Variants in VPS13B observed in about 807,000 individuals in gnomAD.
VPS13B encodes the protein intermembrane lipid transfer protein VPS13B.
VPS13B carries 285 observed loss-of-function variants against 426.4 expected under a neutral mutation model. The ratio of observed to expected loss-of-function variants is 0.67; its 90% CI spans 0.61 to 0.74. The LOEUF is 0.74. Ranked by LOEUF, VPS13B falls within the 30% of genes least tolerant of loss-of-function variation. The pLI is 0.00. For missense variants in VPS13B, 4,537 were observed against 4,782.6 expected, an observed-to-expected ratio of 0.95 and a Z score of 1.51; for synonymous variants, 1,676 against 1,676.4, an observed-to-expected ratio of 1.00 and a Z score of 0.01.
At chr8:99,572,773 G>A (rs575414297) in intron 31 of VPS13B, among the ~76,000 whole-genome samples, 49 of 152,300 alleles carry the variant, frequency 3.2e-4, no homozygotes, top group Non-Finnish European at 6.2e-4. Context: ...ACGTGTGCAT[G>A]TGTCTTTATA....
At chr8:99,102,241 G>T (rs1254756862) in intron 4 of VPS13B, among the ~76,000 whole-genome samples, 1 of 151,902 alleles carries the variant, frequency 6.6e-6, no homozygotes, top group Non-Finnish European at 1.5e-5. Context: ...ATTTCCCTGT[G>T]TTCTTATTCT....
chr8:99,289,838 G>T lies in VPS13B; in HGVS notation c.2824+14584G>T, dbSNP rs199751239. On this transcript the variant is annotated intron_variant, in intron 19 of 61. Transcript: ENST00000357162. ...TAATCATCAGTTATCCTAAAAACAA[G>T]ATTTATTATAATGACTTATCCTGTG... 3.3e-5 allele frequency among the ~76,000 whole-genome samples: 5 copies of T among 152,186 alleles called. No individual in the cohort carries two copies. The East Asian group carries it at 9.6e-4, about 29-fold the overall frequency.
At chr8:99,613,194 A>C (rs1304064840) in intron 33 of VPS13B, among the ~76,000 whole-genome samples, 2 of 152,192 alleles carry the variant, frequency 1.3e-5, no homozygotes, top group African/African-American at 4.8e-5. Flanking sequence ...CTATGTTGTT[A>C]TACCTTTTAG....
Position 99,875,629 on chromosome 8 carries a change from T to G in VPS13B, c.11957T>G (p.Met3986Arg), listed in dbSNP as rs771731368. ...CAGGTCTTCCTTAGTAAATTTACCA[T>G]GGTGAAAAATAAAGCCCTGAGGAAA... ...FAQVFLSKFTMVKNKALRKGF... is the reference protein window; with the variant it reads ...FAQVFLSKFTRVKNKALRKGF... The change falls in exon 62 of 62, where the codon ATG becomes AGG. Residue 3986 changes from methionine (M) to arginine (R), a missense_variant. By Grantham distance (91) the Met-to-Arg change is moderately conservative. Coordinates refer to ENST00000357162, the MANE Select transcript of VPS13B (RefSeq NM_152564.5). 2.5e-6 allele frequency: 4 copies of G among 1,614,086 alleles called. No individual in the cohort carries two copies. The highest frequency in any genetic ancestry group is 3.4e-6 in the Non-Finnish European group (4 of 1,180,038).
At chr8:99,300,291 G>C (rs1179808960) in intron 19 of VPS13B, among the ~76,000 whole-genome samples, 1 of 152,168 alleles carries the variant, frequency 6.6e-6, no homozygotes, top group Non-Finnish European at 1.5e-5. Flanking sequence ...TATGTTAATA[G>C]CATATTTGGC....
intron 19 of VPS13B, among the ~76,000 whole-genome samples, chr8:99,320,214 A>G (rs906890141): frequency 6.6e-6 from 1 of 152,194 alleles, no homozygotes. Flanking sequence ...GATTTATGGG[A>G]TAAAGGTCCG....
At chr8:99,631,280 A>T (rs1828835779) in intron 33 of VPS13B, among the ~76,000 whole-genome samples, 1 of 152,048 alleles carries the variant, frequency 6.6e-6, no homozygotes, top group Admixed American at 6.6e-5. Context: ...TCTTAGCCCC[A>T]TTTCTCTGAT....
At position 99,215,618 on chromosome 8, in the gene VPS13B, G is replaced by T. The variant is rs145620609; in HGVS notation, c.2515+22561G>T. On this transcript the variant is annotated intron_variant, in intron 17 of 61. Transcript: ENST00000357162. ...GCCCCCTGCCTCCTGTGAAGGCACA[G>T]GTATGCTTGAGTATTGAGTATACTC... 4.5e-4 allele frequency among the ~76,000 whole-genome samples: 69 copies of T among 152,264 alleles called. No individual in the cohort carries two copies. The East Asian group carries it at 0.012, about 26-fold the overall frequency.
chr8:99,447,468 C>A (rs530693679), intron 23 of VPS13B, among the ~76,000 whole-genome samples: 1 of 152,252 alleles, frequency 6.6e-6, no homozygotes, highest in East Asian at 1.9e-4. Flanking sequence ...TTATTATTTT[C>A]TGCACTGTGA....
At chr8:99,813,809 G>GA (rs1209083594) in intron 44 of VPS13B, among the ~76,000 whole-genome samples, 2 of 152,248 alleles carry the variant, frequency 1.3e-5, no homozygotes, top group South Asian at 4.1e-4. Flanking sequence ...TTTAATTTTT[G>GA]GTTCCTCAAT....
chr8:99,437,412 A>AAATAT (rs1554790777), intron 22 of VPS13B, among the ~76,000 whole-genome samples: 1 of 150,916 alleles, frequency 6.6e-6, no homozygotes, highest in African/African-American at 2.4e-5. Flanking sequence ...TTTAAAAAAA[A>AAATAT]ATATATATAT....
intron 45 of VPS13B, among the ~76,000 whole-genome samples, 200 bp from the exon 46 acceptor site, chr8:99,818,251 A>G (rs1047195832): frequency 1.3e-5 from 2 of 152,174 alleles, no homozygotes; most frequent in African/African-American, 4.8e-5. Flanking sequence ...TCTTTATGGA[A>G]AGAGTTGGCC....
intron 40 of VPS13B, among the ~76,000 whole-genome samples, chr8:99,770,114 A>G (rs1431692588): frequency 6.6e-6 from 1 of 152,136 alleles, no homozygotes; most frequent in African/African-American, 2.4e-5. Context: ...AGCCAAGATC[A>G]CACCACTGCA....
At chr8:99,576,365 G>A (rs1383222301) in intron 32 of VPS13B, among the ~76,000 whole-genome samples, 1 of 151,320 alleles carries the variant, frequency 6.6e-6, no homozygotes, top group African/African-American at 2.4e-5. Flanking sequence ...CTTGGGTAAT[G>A]TTACGGTGAC....
chr8:99,309,305 A>C (rs532890607), intron 19 of VPS13B, among the ~76,000 whole-genome samples: 5 of 152,130 alleles, frequency 3.3e-5, no homozygotes, highest in Admixed American at 2.6e-4. Context: ...TAGGGTTTTT[A>C]TGGTTTTAGG....
At chr8:99,813,602 T>C (rs1223984807) in intron 44 of VPS13B, among the ~76,000 whole-genome samples, 1 of 152,230 alleles carries the variant, frequency 6.6e-6, no homozygotes, top group Non-Finnish European at 1.5e-5. Context: ...TTGACTTTTA[T>C]GGTTTGTTAT....
rs889899657 is a variant in VPS13B at position 99,390,073 on chromosome 8, AATTT to A, written c.2935-1478_2935-1475del. 4.3e-4 allele frequency among the ~76,000 whole-genome samples: 65 copies of A among 151,912 alleles called. 1 individual carries two copies. Among genetic ancestry groups the A allele is most frequent in the African/African-American group, 1.5e-3 (61 of 41,450 alleles). On this transcript the variant is annotated intron_variant, in intron 20 of 61. Transcript: ENST00000357162. ...CACTCTATGTTATGATGCTTTCGAT[AATTT>A]ATTTAATCTTTTCTCATTTTAAATT...
rs187703944 is a variant in VPS13B at position 99,737,773 on chromosome 8, G to A, written c.7050+16726G>A. Reference sequence around the variant, plus strand: ...CAGCCACATAGTGGTGAATCACTGAGAAGAGATATTCAGAATGCTGCTAAA... The same window carrying A: ...CAGCCACATAGTGGTGAATCACTGAAAAGAGATATTCAGAATGCTGCTAAA... On this transcript the variant is annotated intron_variant, in intron 39 of 61. Coordinates refer to ENST00000357162, the MANE Select transcript of VPS13B (RefSeq NM_152564.5). 3.6e-4 allele frequency among the ~76,000 whole-genome samples: 55 copies of A among 152,338 alleles called. No homozygotes were observed. In the Middle Eastern group the frequency reaches 0.01, roughly 28 times the overall value.
At chr8:99,313,124 T>C (rs938625545) in intron 19 of VPS13B, among the ~76,000 whole-genome samples, 2 of 152,222 alleles carry the variant, frequency 1.3e-5, no homozygotes, top group Non-Finnish European at 1.5e-5. Context: ...CTTCCTTCTT[T>C]AGCTCGGAGA....
Sources: allele counts gnomAD v4.1 joint callset (sites outside exome capture counted in the v4.1 genomes callset), GRCh38; gene constraint gnomAD v4.1.1; transcripts MANE v1.5; gene names NCBI Gene and HGNC (gene_info 2026-07-23, HGNC 2026-07-21).